The following PDZD2 variants were observed in gnomAD, a reference collection of about 807,000 sequenced individuals.
PDZD2 encodes the protein PDZ domain-containing protein 2.
In PDZD2, 90 loss-of-function variants were observed where a neutral mutation model predicts 220.7. The ratio of observed to expected loss-of-function variants is 0.41; its 90% CI spans 0.34 to 0.49. PDZD2 has a LOEUF of 0.49. Ranked by LOEUF, PDZD2 falls within the 20% of genes least tolerant of loss-of-function variation. PDZD2 has a pLI of 0.28. For missense variants in PDZD2, 3,174 were observed against 3,608.5 expected, an observed-to-expected ratio of 0.88 and a Z score of 3.08; for synonymous variants, 1,375 against 1,450.5, an observed-to-expected ratio of 0.95 and a Z score of 1.18.
chr5:31,792,121 TA>T (rs1399541258), intron 1 of PDZD2, among the ~76,000 whole-genome samples: 1 of 152,050 alleles, frequency 6.6e-6, no homozygotes, highest in Non-Finnish European at 1.5e-5. Context: ...CCCAACAAAA[TA>T]AAGGAAGAGA....
intron 1 of PDZD2, among the ~76,000 whole-genome samples, chr5:31,659,055 TACTG>T (rs1745666007): frequency 6.6e-6 from 1 of 152,172 alleles, no homozygotes; most frequent in Non-Finnish European, 1.5e-5. Context: ...ATCTTTTCCA[TACTG>T]ACTTTGGTTG....
At chr5:31,921,296 T>C (rs1158713860) in intron 2 of PDZD2, among the ~76,000 whole-genome samples, 1 of 152,218 alleles carries the variant, frequency 6.6e-6, no homozygotes, top group East Asian at 1.9e-4. Context: ...CTGCCATTAA[T>C]GTACAGTGCT....
intron 2 of PDZD2, among the ~76,000 whole-genome samples, chr5:31,939,778 C>T (rs144917339): frequency 2.9e-3 from 444 of 152,284 alleles, no homozygotes; most frequent in Middle Eastern, 0.017. Flanking sequence ...CTGTCATCTC[C>T]CTTTGGCTAT....
chr5:31,946,065 C>T (rs143333051), intron 2 of PDZD2, among the ~76,000 whole-genome samples: 9 of 152,262 alleles, frequency 5.9e-5, no homozygotes, highest in East Asian at 1.9e-4. Flanking sequence ...TGCAGTGGCA[C>T]GATCCCGGCG....
chr5:32,086,351 G>A (rs906525846), intron 19 of PDZD2, among the ~76,000 whole-genome samples: 2 of 152,188 alleles, frequency 1.3e-5, no homozygotes, highest in Non-Finnish European at 2.9e-5. Context: ...TAGAACAAGA[G>A]CCTGACGCTT....
At chr5:32,062,536 G>T (rs1739787043) in intron 14 of PDZD2, among the ~76,000 whole-genome samples, 1 of 151,910 alleles carries the variant, frequency 6.6e-6, no homozygotes. Context: ...TGGGACCATG[G>T]GTGCGTGCCA....
chr5:31,892,754 G>GC (rs1741162764), intron 2 of PDZD2, among the ~76,000 whole-genome samples: 1 of 147,226 alleles, frequency 6.8e-6, no homozygotes, highest in African/African-American at 2.5e-5. Context: ...TTGTGGGTGG[G>GC]CGGGGGGGGT....
chr5:31,823,461 C>T (rs1756029263), intron 2 of PDZD2, among the ~76,000 whole-genome samples: 1 of 152,098 alleles, frequency 6.6e-6, no homozygotes, highest in South Asian at 2.1e-4. Context: ...GAGTGAGACT[C>T]TGTCTCAAAA....
intron 2 of PDZD2, among the ~76,000 whole-genome samples, chr5:31,836,251 G>A (rs999064947): frequency 4.8e-5 from 5 of 103,430 alleles, no homozygotes; most frequent in Non-Finnish European, 8.1e-5. Context: ...TTTTGAGACA[G>A]AGTCTTGATC....
chr5:31,700,669 G>C (rs1747570820), intron 1 of PDZD2, among the ~76,000 whole-genome samples: 1 of 152,206 alleles, frequency 6.6e-6, no homozygotes, highest in Non-Finnish European at 1.5e-5. Context: ...TAAGCTGTTT[G>C]ATAATAGTTT....
chr5:31,720,858 G>A (rs754894834), intron 1 of PDZD2, among the ~76,000 whole-genome samples: 2 of 152,168 alleles, frequency 1.3e-5, no homozygotes, highest in Non-Finnish European at 2.9e-5. Context: ...ACAAAGGTTG[G>A]GGAGAAGGTG....
intron 5 of PDZD2, among the ~76,000 whole-genome samples, chr5:32,008,193 TTTG>T: frequency 6.6e-6 from 1 of 151,552 alleles, no homozygotes; most frequent in South Asian, 2.1e-4. Flanking sequence ...TCCATGTATT[TTTG>T]TTGACCTTTA....
intron 1 of PDZD2, among the ~76,000 whole-genome samples, chr5:31,675,529 A>G (rs1334562307): frequency 6.6e-6 from 1 of 152,194 alleles, no homozygotes; most frequent in Non-Finnish European, 1.5e-5. Context: ...TGTACTAAGC[A>G]CTTTGCATGG....
intron 2 of PDZD2, among the ~76,000 whole-genome samples, chr5:31,892,514 G>T (rs1415259975): frequency 6.6e-6 from 1 of 152,190 alleles, no homozygotes; most frequent in African/African-American, 2.4e-5. Context: ...GGCATCTACT[G>T]TGTGCCAGGC....
chr5:32,099,359 GTTCC>G (rs1370139120), intron 23 of PDZD2: 2 of 152,358 alleles, frequency 1.3e-5, no homozygotes, highest in East Asian at 3.9e-4. Flanking sequence ...GGGGCCTTTT[GTTCC>G]TTCTCCACAT....
At chr5:31,687,994 C>G (rs1449652777) in intron 1 of PDZD2, among the ~76,000 whole-genome samples, 2 of 152,152 alleles carry the variant, frequency 1.3e-5, no homozygotes, top group Non-Finnish European at 2.9e-5. Context: ...AACACAATTT[C>G]CTATTGGAAA....
chr5:31,749,863 T>G (rs1351019242), intron 1 of PDZD2, among the ~76,000 whole-genome samples: 1 of 152,158 alleles, frequency 6.6e-6, no homozygotes, highest in Non-Finnish European at 1.5e-5. Context: ...CGCGCGTGGC[T>G]TCCCCTTCCC....
At chr5:31,652,895 T>C (rs1336138694) in intron 1 of PDZD2, among the ~76,000 whole-genome samples, 1 of 152,060 alleles carries the variant, frequency 6.6e-6, no homozygotes, top group African/African-American at 2.4e-5. Flanking sequence ...GCCTGTAGTC[T>C]CAGCTGCTTG....
chr5:31,850,612 G>A (rs183244255), intron 2 of PDZD2, among the ~76,000 whole-genome samples: 7 of 149,270 alleles, frequency 4.7e-5, no homozygotes, highest in East Asian at 3.9e-4. Context: ...TAAGCAAGTC[G>A]TCTTTACATT....
Sources: allele counts gnomAD v4.1 joint callset (sites outside exome capture counted in the v4.1 genomes callset), GRCh38; gene constraint gnomAD v4.1.1; transcripts MANE v1.5; gene names NCBI Gene and HGNC (gene_info 2026-07-23, HGNC 2026-07-21).